Variants in SUPT3H observed in about 807,000 individuals in gnomAD.
SUPT3H encodes the protein transcription initiation protein SPT3 homolog.
Under a neutral mutation model 44.3 loss-of-function variants are expected in SUPT3H, and 44 were observed. The ratio of observed to expected loss-of-function variants is 0.99; its 90% CI spans 0.78 to 1.28. SUPT3H has a LOEUF of 1.28. Ranked by LOEUF, SUPT3H falls within the 50% of genes most tolerant of loss-of-function variation. SUPT3H has a pLI of 0.00. For synonymous variants in SUPT3H, 124 were observed against 125.6 expected (o/e 0.99, Z 0.09); for missense variants, 380 against 387.1 (o/e 0.98, Z 0.15).
chr6:45,045,036 A>C (rs1197787809), intron 3 of SUPT3H, among the ~76,000 whole-genome samples: 3 of 152,218 alleles, frequency 2.0e-5, no homozygotes, highest in Non-Finnish European at 2.9e-5. Context: ...GACCAACTCC[A>C]TCTATACCCA....
intron 2 of SUPT3H, among the ~76,000 whole-genome samples, chr6:45,217,329 G>T (rs1765224231): frequency 6.6e-6 from 1 of 151,814 alleles, no homozygotes; most frequent in Admixed American, 6.6e-5. Context: ...ACAAAAGTTA[G>T]CCAGGTGTAG....
At chr6:45,175,110 G>C (rs922499322) in intron 2 of SUPT3H, among the ~76,000 whole-genome samples, 6 of 145,758 alleles carry the variant, frequency 4.1e-5, no homozygotes, top group African/African-American at 1.5e-4. Context: ...TACTTACATA[G>C]AACTTCCTAC....
chr6:44,809,646 A>G (rs892970938), intron 11 of SUPT3H: 1 of 152,252 alleles, frequency 6.6e-6, no homozygotes, highest in Admixed American at 6.5e-5. Context: ...ACTATTTTTA[A>G]AAAGTTTTGA....
chr6:45,036,388 A>T (rs1787678880), intron 3 of SUPT3H, among the ~76,000 whole-genome samples: 1 of 152,088 alleles, frequency 6.6e-6, no homozygotes, highest in South Asian at 2.1e-4. Context: ...ACTAAGAATA[A>T]GGAGAGTGGC....
At chr6:45,169,889 T>A (rs1810498301) in intron 2 of SUPT3H, among the ~76,000 whole-genome samples, 1 of 152,202 alleles carries the variant, frequency 6.6e-6, no homozygotes, top group African/African-American at 2.4e-5. Flanking sequence ...TTTTTTAACT[T>A]ACAAAGTTAA....
At chr6:45,255,776 T>C (rs1210669506) in intron 2 of SUPT3H, among the ~76,000 whole-genome samples, 2 of 152,180 alleles carry the variant, frequency 1.3e-5, no homozygotes, top group Non-Finnish European at 2.9e-5. Context: ...GAGACATAAT[T>C]CACAAACCAT....
intron 6 of SUPT3H, among the ~76,000 whole-genome samples, chr6:44,971,888 TCAG>T (rs1203715863): frequency 6.6e-6 from 1 of 152,150 alleles, no homozygotes; most frequent in African/African-American, 2.4e-5. Context: ...TTCTCCTGCC[TCAG>T]CATCCCGAGT....
chr6:44,867,932 A>G (rs1363634675), intron 10 of SUPT3H, among the ~76,000 whole-genome samples: 1 of 148,428 alleles, frequency 6.7e-6, no homozygotes, highest in Non-Finnish European at 1.5e-5. Context: ...CTCTTTTTCT[A>G]TCCCCCATCC....
At chr6:45,241,903 A>G (rs1447956242) in intron 2 of SUPT3H, among the ~76,000 whole-genome samples, 1 of 152,246 alleles carries the variant, frequency 6.6e-6, no homozygotes. Context: ...TCCTTTGAGG[A>G]AAGAACACAA....
intron 3 of SUPT3H, among the ~76,000 whole-genome samples, chr6:45,071,288 A>C (rs953349816): frequency 3.3e-5 from 5 of 152,132 alleles, no homozygotes; most frequent in African/African-American, 1.2e-4. Flanking sequence ...CATCAAGAAA[A>C]TCTAAATTAT....
At chr6:45,158,620 GATTT>G (rs1808411868) in intron 2 of SUPT3H, among the ~76,000 whole-genome samples, 1 of 113,976 alleles carries the variant, frequency 8.8e-6, no homozygotes, top group South Asian at 2.8e-4. Flanking sequence ...GGATACCTTT[GATTT>G]GGGGTGAGAC....
chr6:44,996,017 A>G (rs1337249752), intron 6 of SUPT3H, among the ~76,000 whole-genome samples: 3 of 151,926 alleles, frequency 2.0e-5, no homozygotes, highest in African/African-American at 7.2e-5. Context: ...CCCATTTCCA[A>G]TACTATGAAA....
rs1346438869 is a variant in SUPT3H at position 45,209,674 on chromosome 6, T to C, written c.102-103668A>G. 2.6e-5 allele frequency among the ~76,000 whole-genome samples: 4 copies of C among 152,220 alleles called. No homozygotes were observed. In the East Asian group the frequency reaches 7.7e-4, roughly 29 times the overall value. ...ATGTTGTGAACATTGTTGAAATGAC[T>C]ACAAATAATTTAGAATATTCCATAA... On this transcript the variant is annotated intron_variant, in intron 2 of 10. Transcript: ENST00000371459.
intron 2 of SUPT3H, among the ~76,000 whole-genome samples, chr6:45,224,842 T>C (rs1766660555): frequency 6.6e-6 from 1 of 151,916 alleles, no homozygotes; most frequent in Non-Finnish European, 1.5e-5. Flanking sequence ...TATTAACTAT[T>C]AGTCAAGGTA....
At chr6:45,214,412 A>G (rs1764692236) in intron 2 of SUPT3H, among the ~76,000 whole-genome samples, 4 of 152,040 alleles carry the variant, frequency 2.6e-5, no homozygotes, top group Admixed American at 1.3e-4. Context: ...GCATTAAAGA[A>G]AAGAATTACA....
At chr6:44,839,927 C>T (rs963205378) in intron 10 of SUPT3H, among the ~76,000 whole-genome samples, 15 of 149,054 alleles carry the variant, frequency 1.0e-4, no homozygotes, top group South Asian at 2.5e-4. Context: ...GTCTCGATCT[C>T]CTGACCTCGT....
intron 2 of SUPT3H, among the ~76,000 whole-genome samples, chr6:45,110,674 C>T (rs553139645): frequency 2.6e-5 from 4 of 152,174 alleles, no homozygotes; most frequent in African/African-American, 9.6e-5. Flanking sequence ...CAAGATGCTA[C>T]CCAAATATAG....
chr6:44,828,035 C>T lies in SUPT3H; in HGVS notation c.*1781G>A, dbSNP rs756. On this transcript the variant is annotated 3_prime_UTR_variant, in exon 11 of 11. Transcript: ENST00000371459. ...TGGAATAAAACGAAGGAAAAAAACC[C>T]AAACCCTATATTTTCTGCCTTGTGC... 0.2 allele frequency among the ~76,000 whole-genome samples: 30,225 copies of T among 151,958 alleles called. 3,785 individuals are homozygous for T. The highest frequency in any genetic ancestry group is 0.29 in the Non-Finnish European group (19,405 of 67,890).
intron 9 of SUPT3H, among the ~76,000 whole-genome samples, chr6:44,950,423 C>T (rs1268215946): frequency 6.6e-6 from 1 of 152,188 alleles, no homozygotes; most frequent in African/African-American, 2.4e-5. Flanking sequence ...ATCATACCAA[C>T]TGCACTACTG....
Sources: allele counts gnomAD v4.1 joint callset (sites outside exome capture counted in the v4.1 genomes callset), GRCh38; gene constraint gnomAD v4.1.1; transcripts MANE v1.5; gene names NCBI Gene and HGNC (gene_info 2026-07-23, HGNC 2026-07-21).